The following ANKS6 variants were observed in gnomAD, a reference collection of about 807,000 sequenced individuals.
ANKS6 encodes the protein ankyrin repeat and sterile alpha motif domain containing 6, also known as ankyrin repeat and SAM domain-containing protein 6.
Under a neutral mutation model 77.9 loss-of-function variants are expected in ANKS6, and 47 were observed. The ratio of observed to expected loss-of-function variants is 0.60; its 90% confidence interval spans 0.48 to 0.77. The LOEUF is 0.77. ANKS6 is among the 30% of genes least tolerant of loss of function. The pLI is 0.00. For missense variants in ANKS6, 1,150 were observed against 1,159.1 expected (o/e 0.99, Z 0.11); for synonymous variants, 488 against 501.7 (o/e 0.97, Z 0.37).
intron 11 of ANKS6, among the ~76,000 whole-genome samples, chr9:98,759,052 TG>T (rs1202774228): frequency 6.6e-6 from 1 of 152,104 alleles, no homozygotes; most frequent in African/African-American, 2.4e-5. Flanking sequence ...TGGTTGATTT[TG>T]TTTTTTTTAA....
chr9:98,733,258 T>C lies in ANKS6; in HGVS notation c.*3261A>G, dbSNP rs1038663079. On this transcript the variant is annotated 3_prime_UTR_variant, in exon 15 of 15. Transcript: ENST00000353234. The stretch of plus-strand genomic sequence containing the variant: ...AAAACCAGCTGGCCTCCATGTAATT[T>C]TGTGGCGCTGAAGAAGAGAGGCAGG... The C allele has an allele frequency of 6.1e-6, 6 of 985,364 alleles. No individual in the cohort carries two copies. In the African/African-American group the frequency reaches 1.0e-4, roughly 17 times the overall value. 61.0% of individuals were successfully genotyped at this position (985,364 alleles called of 1,614,324 possible).
rs1831368537 is a variant in ANKS6 at position 98,734,282 on chromosome 9, C to T, written c.*2237G>A. 1 of 985,402 alleles carries T rather than the reference C, an allele frequency of 1.0e-6. No homozygotes were observed. The highest frequency in any genetic ancestry group is 6.1e-5 in the Admixed American group (1 of 16,274). 61.0% of individuals were successfully genotyped at this position (985,402 alleles called of 1,614,324 possible). ...TGTCTGCAAAATGGGAATAGCCCCG[C>T]TCTGTCCAGGGTCATCCAATGAGTT... On this transcript the variant is annotated 3_prime_UTR_variant, in exon 15 of 15. Transcript: ENST00000353234.
In ANKS6 at chr9:98,733,466, G is replaced by A. The variant is rs1260285782; in HGVS notation, c.*3053C>T. The A allele has an allele frequency of 5.1e-6, 5 of 985,370 alleles. No individual in the cohort carries two copies. The highest frequency in any genetic ancestry group is 1.7e-5 in the African/African-American group (1 of 57,222). The allele number at this position is 985,370 out of a possible 1,614,324, so 61.0% of individuals were successfully genotyped here. ...GACCCTGCCATCTCAAAGCAGGACC[G>A]GTCCCCTGATGTCCCACTGCCAAGC... On this transcript the variant is annotated 3_prime_UTR_variant, in exon 15 of 15. Coordinates refer to ENST00000353234, the MANE Select transcript of ANKS6 (RefSeq NM_173551.5).
At chr9:98,769,726 CGAGTT>C (rs756526074) in intron 10 of ANKS6, among the ~76,000 whole-genome samples, 5 of 152,274 alleles carry the variant, frequency 3.3e-5, no homozygotes, top group South Asian at 4.1e-4. Flanking sequence ...TGACCCCGGA[CGAGTT>C]ATCTAACTGT....
chr9:98,789,948 C>A (rs1834799076), intron 2 of ANKS6, 156 bp downstream of exon 2: 5 of 1,142,784 alleles, frequency 4.4e-6, no homozygotes, highest in African/African-American at 3.1e-5. Context: ...ACAGGCAATC[C>A]CCCCGATACT....
intron 9 of ANKS6, among the ~76,000 whole-genome samples, chr9:98,771,446 G>A (rs559948161): frequency 2.0e-5 from 3 of 152,260 alleles, no homozygotes; most frequent in East Asian, 1.9e-4. Flanking sequence ...GCCTGCTTCC[G>A]TGATGCTGCC....
intron 13 of ANKS6, among the ~76,000 whole-genome samples, 194 bp downstream of exon 13, chr9:98,750,835 T>C (rs11788506): frequency 2.0e-5 from 3 of 152,166 alleles, no homozygotes; most frequent in South Asian, 2.1e-4. Context: ...AATTCTATCA[T>C]AACAAAGCAA....
At chr9:98,737,491 TA>T (rs558101182) in intron 14 of ANKS6, among the ~76,000 whole-genome samples, 10,277 of 148,232 alleles carry the variant, frequency 0.069, 976 homozygotes, top group African/African-American at 0.22. Context: ...TGCAAAAAAA[TA>T]AAAAAAAAAA....
At position 98,734,086 on chromosome 9, in the gene ANKS6, C is replaced by T. The variant is rs770821950; in HGVS notation, c.*2433G>A. ...TCCGTGCTGCCTCCACACATGCCCC[C>T]GCTGGGGTGCCCTTTCTCTTCCCTG... On this transcript the variant is annotated 3_prime_UTR_variant, in exon 15 of 15. Coordinates refer to ENST00000353234, the MANE Select transcript of ANKS6 (RefSeq NM_173551.5). 3.3e-5 allele frequency: 33 copies of T among 985,460 alleles called. No individual in the cohort carries two copies. Among genetic ancestry groups the T allele is most frequent in the Middle Eastern group, 1.0e-3 (2 of 1,914 alleles). The allele number at this position is 985,460 out of a possible 1,614,324, so 61.0% of individuals were successfully genotyped here.
At chr9:98,776,173 G>T (rs1343761211) in intron 8 of ANKS6, among the ~76,000 whole-genome samples, 1 of 152,126 alleles carries the variant, frequency 6.6e-6, no homozygotes, top group Non-Finnish European at 1.5e-5. Flanking sequence ...AGCTTATTCT[G>T]GGCCAGACAC....
chr9:98,749,735 G>A (rs337564), intron 13 of ANKS6, among the ~76,000 whole-genome samples: 6,017 of 152,282 alleles, frequency 0.04, 373 homozygotes, highest in East Asian at 0.26. Context: ...ACACCAAGGA[G>A]GCAGGAATGG....
intron 1 of ANKS6, among the ~76,000 whole-genome samples, chr9:98,794,250 C>T (rs1221149408): frequency 6.6e-6 from 1 of 151,990 alleles, no homozygotes; most frequent in Non-Finnish European, 1.5e-5. Context: ...AATAGTCTGG[C>T]CTGATCCACA....
In ANKS6 at chr9:98,732,558, G is replaced by T; in HGVS notation, c.*3961C>A. On this transcript the variant is annotated 3_prime_UTR_variant, in exon 15 of 15. Coordinates refer to ENST00000353234, the MANE Select transcript of ANKS6 (RefSeq NM_173551.5). ...GCCTCACCCACCCAACCATGGCTAC[G>T]TCAGGGCAGAAGGGAGAGAAGAAAG... 2.6e-6 allele frequency: 4 copies of T among 1,550,576 alleles called. No homozygotes were observed. Among genetic ancestry groups the T allele is most frequent in the African/African-American group, 1.4e-5 (1 of 73,164 alleles).
In ANKS6 at chr9:98,769,787, C is replaced by T. The variant is rs191952015; in HGVS notation, c.1972+1109G>A. ...CTGTAAAACAGAGGTGGTAACTTCA[C>T]TGCCTGCTGGGGCACTGAAGGAGAT... On this transcript the variant is annotated intron_variant, in intron 10 of 14. Transcript: ENST00000353234. Among the ~76,000 whole-genome samples the T allele has an allele frequency of 8.5e-5, 13 of 152,338 alleles. No individual in the cohort carries two copies. In the East Asian group the frequency reaches 2.1e-3, roughly 25 times the overall value.
At chr9:98,752,284 G>GTAAGA (rs1429887729) in intron 12 of ANKS6, among the ~76,000 whole-genome samples, 1 of 152,248 alleles carries the variant, frequency 6.6e-6, no homozygotes, top group Admixed American at 6.5e-5. Flanking sequence ...GATATCTGGA[G>GTAAGA]TAAGAGCATT....
At chr9:98,783,315 CT>C (rs1834385275) in intron 4 of ANKS6, among the ~76,000 whole-genome samples, 1 of 152,152 alleles carries the variant, frequency 6.6e-6, no homozygotes, top group East Asian at 1.9e-4. Context: ...AGAAAACAAA[CT>C]GTTTTCAGAT....
At position 98,796,133 on chromosome 9, in the gene ANKS6, C is replaced by G. The variant is rs1178374266; in HGVS notation, c.359G>C (p.Arg120Thr). 1.5e-6 allele frequency: 2 copies of G among 1,371,242 alleles called. No individual in the cohort carries two copies. The highest frequency in any genetic ancestry group is 1.9e-6 in the Non-Finnish European group (2 of 1,061,444). The allele number at this position is 1,371,242 out of a possible 1,614,324, so 84.9% of individuals were successfully genotyped here. Residue 120 changes from arginine to threonine, a missense_variant and splice_region_variant, in exon 1 of 15, where the codon AGA becomes ACA. Arg to Thr is a moderately conservative substitution (Grantham distance 71). Transcript: ENST00000353234. The part of the protein sequence containing the change: ...YGWSALMQAA[R>T]FGHVSVAHLL... ...GGGCCCCCGGGCCCCGCCGCCTCAC[C>G]TGGCCGCCTGCATGAGCGCGCTCCA...
intron 1 of ANKS6, among the ~76,000 whole-genome samples, chr9:98,793,167 A>C (rs2118193941): frequency 6.6e-6 from 1 of 152,336 alleles, no homozygotes; most frequent in South Asian, 2.1e-4. Context: ...AGGGTAGGGA[A>C]GGAAGGTAAA....
At chr9:98,756,742 A>T (rs1832728165) in intron 11 of ANKS6, 139 bp from the exon 12 acceptor site, 1 of 722,604 alleles carries the variant, frequency 1.4e-6, no homozygotes, top group Non-Finnish European at 2.0e-6. Flanking sequence ...TCTACTTTTA[A>T]AAACATGGAA....
Sources: gnomAD v4.1 joint callset for allele counts (sites outside exome capture counted in the v4.1 genomes callset) on GRCh38, gnomAD v4.1.1 for gene constraint, MANE v1.5 for transcripts, NCBI Gene and HGNC (gene_info 2026-07-23, HGNC 2026-07-21) for gene names.